MAF: variants seen among roughly 807,000 people sequenced by gnomAD.
MAF encodes the protein transcription factor Maf.
MAF carries 10 observed loss-of-function variants against 22.0 expected under a neutral mutation model. The observed-to-expected ratio is 0.45, with a 90% confidence interval of 0.28 to 0.77. The LOEUF is 0.77. Among genes scored for constraint, MAF ranks in the 30% least tolerant of loss-of-function variants. The pLI, the probability that MAF is intolerant of heterozygous loss-of-function variation, is 0.12. For missense variants in MAF, 544 were observed against 548.4 expected (o/e 0.99, Z 0.08); for synonymous variants, 337 against 255.8 (o/e 1.32, Z -3.03).
At chr16:79,305,469 G>A in the MAF span, among the ~76,000 whole-genome samples, 4 of 152,116 alleles carry the variant, frequency 2.6e-5, no homozygotes, top group African/African-American at 9.7e-5. Flanking sequence ...ACTGAGGAGT[G>A]CACCTTCCTC....
chr16:79,254,371 C>A, the MAF span, among the ~76,000 whole-genome samples: 2 of 152,102 alleles, frequency 1.3e-5, no homozygotes, highest in African/African-American at 4.8e-5. Flanking sequence ...CTCTCTATGA[C>A]TTCATATTAT....
At chr16:79,404,553 A>G in the MAF span, among the ~76,000 whole-genome samples, 2 of 152,142 alleles carry the variant, frequency 1.3e-5, no homozygotes, top group South Asian at 2.1e-4. Flanking sequence ...TGAGACCTGC[A>G]CTTTACTTAC....
the MAF span, among the ~76,000 whole-genome samples, chr16:79,414,106 A>C: frequency 6.6e-6 from 1 of 152,202 alleles, no homozygotes; most frequent in Non-Finnish European, 1.5e-5. Context: ...TATACCTCAT[A>C]CATTCTCTTA....
At chr16:79,538,638 T>C in the MAF span, among the ~76,000 whole-genome samples, 3 of 152,102 alleles carry the variant, frequency 2.0e-5, no homozygotes, top group African/African-American at 7.2e-5. Context: ...TATTGTTCCA[T>C]TATATATTGC....
At chr16:79,268,240 G>C in the MAF span, among the ~76,000 whole-genome samples, 1 of 152,096 alleles carries the variant, frequency 6.6e-6, no homozygotes, top group African/African-American at 2.4e-5. Context: ...CACCGGAATT[G>C]TGCGTAACTG....
chr16:79,326,303 A>G, the MAF span, among the ~76,000 whole-genome samples: 2 of 152,206 alleles, frequency 1.3e-5, no homozygotes, highest in Admixed American at 6.5e-5. Flanking sequence ...ACTTATCATG[A>G]TACCTAGCAT....
the MAF span, among the ~76,000 whole-genome samples, chr16:79,458,869 G>T: frequency 7.2e-5 from 11 of 152,190 alleles, no homozygotes; most frequent in African/African-American, 2.7e-4. Context: ...CCCTGAGGAG[G>T]TCTCACTGTT....
At chr16:79,398,912 C>T in the MAF span, among the ~76,000 whole-genome samples, 1 of 152,206 alleles carries the variant, frequency 6.6e-6, no homozygotes, top group East Asian at 1.9e-4. Flanking sequence ...CCATGGCTCC[C>T]TGGAAGAACA....
chr16:79,583,028 G>A (rs1433611974), downstream of MAF, among the ~76,000 whole-genome samples: 2 of 152,132 alleles, frequency 1.3e-5, no homozygotes, highest in African/African-American at 4.8e-5. Flanking sequence ...ATATGTTGAT[G>A]GGTTCTGCAA....
At chr16:79,375,410 AAG>A in the MAF span, among the ~76,000 whole-genome samples, 1 of 152,150 alleles carries the variant, frequency 6.6e-6, no homozygotes, top group East Asian at 1.9e-4. Context: ...CACTTCCCAT[AAG>A]AGAGAGCAAC....
chr16:79,311,201 G>A, the MAF span, among the ~76,000 whole-genome samples: 10 of 151,992 alleles, frequency 6.6e-5, no homozygotes, highest in Non-Finnish European at 8.8e-5. Context: ...AAGCGCAGGA[G>A]AAAGGAAATA....
the MAF span, chr16:79,211,903 G>T: frequency 6.4e-7 from 1 of 1,556,600 alleles, no homozygotes; most frequent in African/African-American, 1.4e-5. Flanking sequence ...AGATCCGCAA[G>T]AGTAAAGGAA....
At chr16:79,272,926 A>C in the MAF span, among the ~76,000 whole-genome samples, 7 of 152,148 alleles carry the variant, frequency 4.6e-5, no homozygotes, top group African/African-American at 1.4e-4. Flanking sequence ...CCCTAAACTT[A>C]GAAGAGTTTA....
chr16:79,338,575 CA>C, the MAF span, among the ~76,000 whole-genome samples: 5,070 of 151,596 alleles, frequency 0.033, 270 homozygotes, highest in African/African-American at 0.12. Flanking sequence ...TACAAGGTTA[CA>C]GAAGCAAAAT....
chr16:79,293,699 C>T, the MAF span, among the ~76,000 whole-genome samples: 12 of 152,094 alleles, frequency 7.9e-5, no homozygotes, highest in South Asian at 8.3e-4. Context: ...TTGGTGTTCA[C>T]CTAGTAGAAA....
the MAF span, among the ~76,000 whole-genome samples, chr16:79,230,438 T>C: frequency 1.3e-5 from 2 of 152,272 alleles, no homozygotes; most frequent in East Asian, 3.9e-4. Flanking sequence ...AAGCCCAGCC[T>C]AGACCCTGCC....
the MAF span, among the ~76,000 whole-genome samples, chr16:79,533,185 C>G: frequency 6.6e-6 from 1 of 152,088 alleles, no homozygotes; most frequent in South Asian, 2.1e-4. Flanking sequence ...TTATCTATGC[C>G]TTAAAGGGCT....
the MAF span, among the ~76,000 whole-genome samples, chr16:79,406,393 C>T: frequency 6.6e-6 from 1 of 152,142 alleles, no homozygotes; most frequent in Non-Finnish European, 1.5e-5. Context: ...ATTTATTTCT[C>T]ACAGTTCTAG....
chr16:79,435,672 C>T, the MAF span, among the ~76,000 whole-genome samples: 18 of 152,180 alleles, frequency 1.2e-4, no homozygotes, highest in African/African-American at 3.9e-4. Context: ...TCTATGTTCT[C>T]CCCAAATTCA....
Sources: gnomAD v4.1 joint callset for allele counts (sites outside exome capture counted in the v4.1 genomes callset) on GRCh38, gnomAD v4.1.1 for gene constraint, MANE v1.5 for transcripts, NCBI Gene and HGNC (gene_info 2026-07-23, HGNC 2026-07-21) for gene names.